ENO1: variants seen among roughly 807,000 people sequenced by gnomAD.
ENO1 encodes enolase 1.
A neutral mutation model predicts 46.3 loss-of-function variants in ENO1; 33 were observed. The observed-to-expected ratio is 0.71, with a 90% confidence interval of 0.54 to 0.95. The LOEUF (loss-of-function observed/expected upper bound fraction) is 0.95. ENO1 is among the 40% of genes least tolerant of loss of function. ENO1 has a pLI of 0.00. For synonymous variants in ENO1, 220 were observed against 216.0 expected (o/e 1.02, Z -0.16); for missense variants, 488 against 553.3 (o/e 0.88, Z 1.18).
intron 1 of ENO1, among the ~76,000 whole-genome samples, chr1:8,875,370 A>G (rs1203376941): frequency 6.6e-6 from 1 of 152,096 alleles, no homozygotes; most frequent in Non-Finnish European, 1.5e-5. Flanking sequence ...ATCAAATCCA[A>G]ATAGAAAGAT....
At position 8,872,549 on chromosome 1, in the gene ENO1, G is replaced by T. The variant is rs535693379; in HGVS notation, c.86-563C>A. ...AGCAGCCTGCCACCACGCCCGGCTA[G>T]TTTTTTTATTTTTAGTAAAGATGGG... On this transcript the variant is annotated intron_variant, in intron 2 of 11. Transcript: ENST00000234590. Among the ~76,000 whole-genome samples the T allele has an allele frequency of 2.6e-5, 4 of 152,112 alleles. No individual in the cohort carries two copies. In the South Asian group the frequency reaches 8.3e-4, roughly 32 times the overall value.
intron 4 of ENO1, among the ~76,000 whole-genome samples, chr1:8,868,878 T>C (rs930695950): frequency 6.6e-6 from 1 of 151,976 alleles, no homozygotes; most frequent in African/African-American, 2.4e-5. Flanking sequence ...GGCTTTGCCA[T>C]GTTGCCCAGG....
intron 4 of ENO1, among the ~76,000 whole-genome samples, chr1:8,869,060 T>TA (rs950122174): frequency 1.3e-5 from 2 of 152,096 alleles, no homozygotes; most frequent in African/African-American, 4.8e-5. Context: ...GTGCTTGATA[T>TA]AAAAAAATAT....
chr1:8,868,848 AT>A (rs35848392), intron 4 of ENO1, among the ~76,000 whole-genome samples: 428 of 149,238 alleles, frequency 2.9e-3, no homozygotes, highest in African/African-American at 9.2e-3. Flanking sequence ...TAATTTTTAT[AT>A]TTTTTTTTTA....
At chr1:8,863,453 G>A in intron 9 of ENO1, 110 bp from the exon 10 acceptor site, 1 of 1,065,736 alleles carries the variant, frequency 9.4e-7, no homozygotes, top group South Asian at 1.6e-5. Context: ...GGCTGTTAAT[G>A]GCTAAAGCCC....
intron 8 of ENO1, among the ~76,000 whole-genome samples, chr1:8,864,480 A>AT (rs1293721400): frequency 6.6e-6 from 1 of 151,864 alleles, no homozygotes; most frequent in Non-Finnish European, 1.5e-5. Context: ...ATTTTATTTT[A>AT]TTTTTTTGTA....
At chr1:8,869,619 G>A (rs1642589846) in intron 4 of ENO1, among the ~76,000 whole-genome samples, 1 of 152,164 alleles carries the variant, frequency 6.6e-6, no homozygotes, top group Admixed American at 6.5e-5. Flanking sequence ...GAGTGCAGTG[G>A]CACAATCTCT....
rs774046276 is a variant in ENO1 at position 8,864,111 on chromosome 1, C to T, written c.866-19G>A. On this transcript the variant is annotated intron_variant, in intron 8 of 11. Transcript: ENST00000234590. The stretch of plus-strand genomic sequence containing the variant: ...GACACCACTAAGGAAAGGAGGGACA[C>T]GCTTCATCAGTGTGATCCTCCCAGT... 1.3e-5 allele frequency: 21 copies of T among 1,612,994 alleles called. No individual in the cohort carries two copies. Among genetic ancestry groups the T allele is most frequent in the African/African-American group, 4.0e-5 (3 of 74,880 alleles).
At chr1:8,871,784 G>T in intron 3 of ENO1, 107 bp downstream of exon 3, 2 of 1,332,158 alleles carry the variant, frequency 1.5e-6, no homozygotes, top group Non-Finnish European at 2.1e-6. Context: ...AGGTTTACCT[G>T]CCATAAACCT....
At chr1:8,863,626 A>G (rs565249260) in intron 9 of ENO1, among the ~76,000 whole-genome samples, 2 of 152,296 alleles carry the variant, frequency 1.3e-5, no homozygotes, top group South Asian at 4.1e-4. Flanking sequence ...CTCTTCACAG[A>G]ATACAACTAC....
intron 3 of ENO1, chr1:8,871,195 A>G (rs1047126952): frequency 9.4e-7 from 1 of 1,067,260 alleles, no homozygotes. Context: ...CTGCGACACC[A>G]GCCCAGTGTT....
intron 7 of ENO1, 37 bp from the exon 8 acceptor site, chr1:8,865,519 G>T (rs780354982): frequency 6.2e-7 from 1 of 1,606,654 alleles, no homozygotes; most frequent in Admixed American, 1.7e-5. Flanking sequence ...TGGAAAACAG[G>T]TAGGTACAGA....
At chr1:8,875,564 A>G (rs1642717891) in intron 1 of ENO1, among the ~76,000 whole-genome samples, 1 of 152,232 alleles carries the variant, frequency 6.6e-6, no homozygotes, top group South Asian at 2.1e-4. Context: ...TTGTAGCAGA[A>G]TTAAAACAAA....
At chr1:8,874,746 A>T in intron 2 of ENO1, 78 bp downstream of exon 2, 1 of 1,305,390 alleles carries the variant, frequency 7.7e-7, no homozygotes, top group African/African-American at 1.5e-5. Context: ...TTTTTTCCTA[A>T]GGCTCCAGCA....
At position 8,868,040 on chromosome 1, in the gene ENO1, T is replaced by C. The variant is rs961078478; in HGVS notation, c.258A>G (p.Glu86=). The change falls in exon 5 of 12, where the codon GAA becomes GAG. Residue 86 remains glutamate, a synonymous_variant. Coordinates refer to ENST00000234590, the MANE Select transcript of ENO1 (RefSeq NM_001428.5). ...TCATCAGTTTGTCAATCTTCTCTTG[T>C]TCTGTGACGTTCAGTTTCTACGAGG... The part of the protein sequence containing the change: ...ALVSKKLNVT[E]QEKIDKLMIE... 1.5e-5 allele frequency: 25 copies of C among 1,613,920 alleles called. No individual in the cohort carries two copies. In the Admixed American group the frequency reaches 4.0e-4, roughly 26 times the overall value.
rs1467324343 is a variant in ENO1, at chr1:8,865,459, T to G, written c.691A>C (p.Ile231Leu). Residue 231 changes from isoleucine to leucine, a missense_variant, in exon 8 of 12, where the codon ATT becomes CTT. Transcript: ENST00000234590. ...KEGLELLKTA[I>L]GKAGYTDKVV... ...TTATCAGTGTAGCCAGCTTTCCCAA[T>G]AGCAGTCTTCAGCAGCTCCAGGCCT... 1.4e-5 allele frequency: 23 copies of G among 1,613,174 alleles called. 1 individual carries two copies. The Admixed American group carries it at 3.0e-4, about 21-fold the overall frequency.
chr1:8,866,073 T>G, intron 7 of ENO1: 1 of 437,032 alleles, frequency 2.3e-6, no homozygotes, highest in Non-Finnish European at 3.8e-6. Context: ...AGAGACTCCA[T>G]CTCAAAAAAA....
At chr1:8,868,846 A>C (rs1236864757) in intron 4 of ENO1, among the ~76,000 whole-genome samples, 1 of 123,790 alleles carries the variant, frequency 8.1e-6, no homozygotes, top group Non-Finnish European at 2.0e-5. Flanking sequence ...GCTAATTTTT[A>C]TATTTTTTTT....
chr1:8,871,280 T>C, intron 3 of ENO1: 3 of 1,002,302 alleles, frequency 3.0e-6, no homozygotes, highest in Non-Finnish European at 3.6e-6. Context: ...TGAGAATGCG[T>C]GATCTAGCCC....
Sources: allele counts gnomAD v4.1 joint callset (sites outside exome capture counted in the v4.1 genomes callset), GRCh38; gene constraint gnomAD v4.1.1; transcripts MANE v1.5; gene names NCBI Gene and HGNC (gene_info 2026-07-23, HGNC 2026-07-21).